Variants in USH2A observed in about 807,000 individuals in gnomAD.
USH2A encodes usherin, also known as Usher syndrome 2A (autosomal recessive, mild).
A neutral mutation model predicts 538.9 loss-of-function variants in USH2A; 443 were observed. The ratio of observed to expected loss-of-function variants is 0.82; its 90% confidence interval spans 0.76 to 0.89. USH2A has a LOEUF of 0.89. USH2A is among the 40% of genes least tolerant of loss of function. The probability of loss-of-function intolerance (pLI) is 0.00; values close to 1 mark genes in which losing one functional copy is unlikely to be tolerated. For missense variants in USH2A, 6,633 were observed against 6,324.8 expected (o/e 1.05, Z -1.65); for synonymous variants, 2,413 against 2,273.5 (o/e 1.06, Z -1.75).
intron 21 of USH2A, among the ~76,000 whole-genome samples, chr1:216,107,726 C>T (rs573111725): frequency 6.7e-6 from 1 of 148,404 alleles, no homozygotes; most frequent in South Asian, 2.1e-4. Flanking sequence ...CTTTGCTGTG[C>T]CTTCCCTACC....
chr1:215,625,713 G>T lies in USH2A; in HGVS notation c.*68C>A. On this transcript the variant is annotated 3_prime_UTR_variant, in exon 72 of 72. Transcript: ENST00000307340. ...GCTTTTCAGCATTTATGATGTGTGA[G>T]TGATAACCCAGGAGGAAATGGGTGC... 1 of 1,415,208 alleles carries T rather than the reference G, an allele frequency of 7.1e-7. No individual in the cohort carries two copies. Among genetic ancestry groups the T allele is most frequent in the Non-Finnish European group, 1.0e-6 (1 of 999,178 alleles). The allele number at this position is 1,415,208 out of a possible 1,614,324, so 87.7% of individuals were successfully genotyped here. A position where few individuals can be genotyped will look rare whatever the true frequency, so the allele number is the denominator to read the frequency against.
intron 20 of USH2A, among the ~76,000 whole-genome samples, chr1:216,186,492 T>C (rs919894181): frequency 2.0e-5 from 3 of 151,936 alleles, no homozygotes; most frequent in African/African-American, 7.2e-5. Context: ...TGACCATACC[T>C]CTGTTCACTT....
chr1:215,950,611 A>G (rs1288098493), intron 37 of USH2A, among the ~76,000 whole-genome samples: 1 of 150,786 alleles, frequency 6.6e-6, no homozygotes, highest in Non-Finnish European at 1.5e-5. Context: ...GGTTCAATCA[A>G]TTCTCTGCCT....
In USH2A at chr1:216,141,496, T is replaced by C. The variant is rs546187507; in HGVS notation, c.4627+33756A>G. The stretch of plus-strand genomic sequence containing the variant: ...CTCCTGGATTACTTTACACAATTTG[T>C]GTGCATGGTTGAGGGAGTCTAAAAC... On this transcript the variant is annotated intron_variant, in intron 21 of 71. Transcript: ENST00000307340. 3.9e-5 allele frequency among the ~76,000 whole-genome samples: 6 copies of C among 152,332 alleles called. No individual in the cohort carries two copies. In the East Asian group the frequency reaches 9.7e-4, roughly 25 times the overall value.
At chr1:216,121,224 AATATT>A (rs67384823) in intron 21 of USH2A, among the ~76,000 whole-genome samples, 53,103 of 151,618 alleles carry the variant, frequency 0.35, 10,168 homozygotes, top group East Asian at 0.73. Flanking sequence ...TAAGACTAAT[AATATT>A]ATGTTAAAGC....
At chr1:216,263,573 C>T (rs1411403305) in intron 11 of USH2A, among the ~76,000 whole-genome samples, 2 of 152,098 alleles carry the variant, frequency 1.3e-5, no homozygotes, top group Non-Finnish European at 2.9e-5. Context: ...TTCAACATCC[C>T]TTTATGCTAA....
At chr1:216,000,992 G>C (rs1377691046) in intron 32 of USH2A, among the ~76,000 whole-genome samples, 1 of 152,132 alleles carries the variant, frequency 6.6e-6, no homozygotes, top group African/African-American at 2.4e-5. Flanking sequence ...AATTCCGTTT[G>C]TCAGATTCCA....
intron 47 of USH2A, among the ~76,000 whole-genome samples, chr1:215,820,009 GA>G (rs1381292032): frequency 2.0e-5 from 3 of 151,778 alleles, no homozygotes; most frequent in African/African-American, 7.2e-5. Flanking sequence ...GAGTAAAATA[GA>G]AGGAACATTC....
intron 32 of USH2A, among the ~76,000 whole-genome samples, chr1:216,032,175 T>C (rs1421323905): frequency 6.6e-6 from 1 of 152,180 alleles, no homozygotes; most frequent in East Asian, 1.9e-4. Flanking sequence ...AAATTGAACA[T>C]GAAGTTTAGA....
At chr1:215,965,211 C>A in intron 37 of USH2A, 106 bp downstream of exon 37, 1 of 1,289,892 alleles carries the variant, frequency 7.8e-7, no homozygotes, top group South Asian at 1.4e-5. Context: ...AATAAAGAAA[C>A]CAACATCTGT....
At chr1:215,946,348 G>A (rs191770536) in intron 37 of USH2A, among the ~76,000 whole-genome samples, 241 of 152,210 alleles carry the variant, frequency 1.6e-3, no homozygotes, top group Admixed American at 3.9e-3. Context: ...TTATATTCAT[G>A]GGACACTCAA....
At chr1:216,358,586 T>C (rs2038431955) in intron 4 of USH2A, among the ~76,000 whole-genome samples, 1 of 152,078 alleles carries the variant, frequency 6.6e-6, no homozygotes, top group South Asian at 2.1e-4. Context: ...CCTGGCTCAT[T>C]AGGCAGAAGT....
At chr1:216,008,220 C>T (rs1668452506) in intron 32 of USH2A, among the ~76,000 whole-genome samples, 1 of 151,994 alleles carries the variant, frequency 6.6e-6, no homozygotes. Context: ...CCGGTTCCTG[C>T]CTTAACTGCT....
intron 22 of USH2A, among the ~76,000 whole-genome samples, chr1:216,090,483 T>C (rs2032272388): frequency 6.6e-6 from 1 of 151,582 alleles, no homozygotes. Context: ...GAGTGGGTTG[T>C]CTCTCACATG....
chr1:216,268,338 C>A (rs773084445), intron 11 of USH2A, among the ~76,000 whole-genome samples: 1 of 152,032 alleles, frequency 6.6e-6, no homozygotes, highest in South Asian at 2.1e-4. Flanking sequence ...GAAGTCTTCA[C>A]GTATTTATCA....
intron 42 of USH2A, among the ~76,000 whole-genome samples, chr1:215,878,342 C>G (rs773941967): frequency 5.9e-5 from 9 of 152,132 alleles, no homozygotes; most frequent in Non-Finnish European, 1.2e-4. Context: ...TTCATCGTAT[C>G]GGGCTCCCTG....
chr1:216,320,343 C>T (rs1233607913), intron 9 of USH2A, among the ~76,000 whole-genome samples: 1 of 152,154 alleles, frequency 6.6e-6, no homozygotes, highest in Non-Finnish European at 1.5e-5. Context: ...CTTGTATAGC[C>T]TGCAGTACCA....
chr1:215,941,450 TA>T (rs1666630711), intron 37 of USH2A, among the ~76,000 whole-genome samples: 1 of 152,062 alleles, frequency 6.6e-6, no homozygotes, highest in Non-Finnish European at 1.5e-5. Flanking sequence ...CACTTTGACT[TA>T]TTTTTTTTGC....
chr1:215,667,236 A>C (rs1657634377), intron 64 of USH2A, among the ~76,000 whole-genome samples: 1 of 152,176 alleles, frequency 6.6e-6, no homozygotes, highest in African/African-American at 2.4e-5. Flanking sequence ...GTATTAGTGA[A>C]CACTTAGAAG....
Sources: gnomAD v4.1 joint callset for allele counts (sites outside exome capture counted in the v4.1 genomes callset) on GRCh38, gnomAD v4.1.1 for gene constraint, MANE v1.5 for transcripts, NCBI Gene and HGNC (gene_info 2026-07-23, HGNC 2026-07-21) for gene names.